SCMH1: variants seen among roughly 807,000 people sequenced by gnomAD.
The protein encoded by SCMH1 is polycomb protein SCMH1.
In SCMH1, 37 loss-of-function variants were observed where a neutral mutation model predicts 70.8. The ratio of observed to expected loss-of-function variants is 0.52; its 90% CI spans 0.40 to 0.69. The LOEUF is 0.69. SCMH1 is among the 30% of genes least tolerant of loss of function. The probability of loss-of-function intolerance (pLI) is 0.00; values close to 1 mark genes in which losing one functional copy is unlikely to be tolerated. For synonymous variants in SCMH1, 292 were observed against 307.4 expected (o/e 0.95, Z 0.52); for missense variants, 607 against 827.3 (o/e 0.73, Z 3.27).
At chr1:41,230,337 T>G (rs1661064243) in intron 1 of SCMH1, among the ~76,000 whole-genome samples, 1 of 151,952 alleles carries the variant, frequency 6.6e-6, no homozygotes, top group African/African-American at 2.4e-5. Context: ...TCCTAAGGGG[T>G]ATCAGCAATG....
intron 6 of SCMH1, among the ~76,000 whole-genome samples, chr1:41,123,777 G>GGA (rs1246914905): frequency 6.6e-6 from 1 of 152,144 alleles, no homozygotes; most frequent in African/African-American, 2.4e-5. Flanking sequence ...TTTTATCCTT[G>GGA]GAGGACTCCA....
intron 4 of SCMH1, among the ~76,000 whole-genome samples, chr1:41,153,351 T>C (rs1340730247): frequency 6.6e-6 from 1 of 152,186 alleles, no homozygotes; most frequent in Non-Finnish European, 1.5e-5. Context: ...TTAACTTAAA[T>C]TTAAATCCCC....
chr1:41,101,091 T>C (rs545361388), intron 8 of SCMH1, among the ~76,000 whole-genome samples: 18 of 148,646 alleles, frequency 1.2e-4, no homozygotes, highest in African/African-American at 4.0e-4. Context: ...ATCTCAAAAA[T>C]AGCGGGGAAA....
chr1:41,062,146 G>C (rs1193483018), intron 10 of SCMH1, among the ~76,000 whole-genome samples: 1 of 151,986 alleles, frequency 6.6e-6, no homozygotes, highest in African/African-American at 2.4e-5. Context: ...GATTACAGGC[G>C]TGAGCCACCG....
intron 1 of SCMH1, among the ~76,000 whole-genome samples, chr1:41,224,202 A>G (rs1659839410): frequency 6.6e-6 from 1 of 152,176 alleles, no homozygotes; most frequent in South Asian, 2.1e-4. Flanking sequence ...CAAAATCATT[A>G]TCTCTTCCAT....
intron 1 of SCMH1, among the ~76,000 whole-genome samples, chr1:41,234,264 GT>G (rs1240971625): frequency 6.6e-6 from 1 of 151,578 alleles, no homozygotes; most frequent in Admixed American, 6.6e-5. Flanking sequence ...CAAGACCCCT[GT>G]TTTTTTTCTT....
chr1:41,101,381 G>C (rs1385918095), intron 8 of SCMH1, among the ~76,000 whole-genome samples: 1 of 152,100 alleles, frequency 6.6e-6, no homozygotes, highest in Non-Finnish European at 1.5e-5. Context: ...TCTAGCCCCA[G>C]CACTCTAAGA....
chr1:41,060,074 A>G (rs1232997253), intron 10 of SCMH1, among the ~76,000 whole-genome samples: 1 of 152,130 alleles, frequency 6.6e-6, no homozygotes, highest in Admixed American at 6.5e-5. Context: ...TAATCTATAT[A>G]TAATGGTGAT....
chr1:41,028,592 GA>G lies in SCMH1; in HGVS notation c.1812del (p.Arg605AlafsTer17). On this transcript the variant is annotated frameshift_variant, in exon 14 of 15. Transcript: ENST00000337495. LOFTEE classifies it high-confidence loss of function. ...CAGGCAGCAGCACCTACGTGTTTGC[GA>G]AACAGGTCAGCGTGGGGTCCAAGCT... is the stretch of plus-strand genomic sequence containing the variant. 1 of 1,614,146 alleles carries G rather than the reference GA, an allele frequency of 6.2e-7. No homozygotes were observed. The highest frequency in any genetic ancestry group is 8.5e-7 in the Non-Finnish European group (1 of 1,180,034).
chr1:41,068,673 T>C (rs1655490190), intron 10 of SCMH1, among the ~76,000 whole-genome samples: 1 of 152,192 alleles, frequency 6.6e-6, no homozygotes, highest in Non-Finnish European at 1.5e-5. Flanking sequence ...CCTAAAGTGC[T>C]GGGATTACAG....
intron 1 of SCMH1, among the ~76,000 whole-genome samples, chr1:41,210,694 T>C (rs545481328): frequency 4.6e-5 from 7 of 152,228 alleles, no homozygotes; most frequent in Admixed American, 3.9e-4. Flanking sequence ...TTACACCTTA[T>C]ACAAAAATTA....
chr1:41,098,437 A>G (rs953833785), intron 8 of SCMH1, among the ~76,000 whole-genome samples: 1 of 152,184 alleles, frequency 6.6e-6, no homozygotes, highest in Non-Finnish European at 1.5e-5. Flanking sequence ...GTAAATTCTT[A>G]ACTCCTTACA....
chr1:41,192,731 C>G (rs897045976), intron 1 of SCMH1, among the ~76,000 whole-genome samples: 1 of 152,198 alleles, frequency 6.6e-6, no homozygotes, highest in African/African-American at 2.4e-5. Context: ...ATCTCTTCAG[C>G]ATAGGTCTCT....
intron 7 of SCMH1, among the ~76,000 whole-genome samples, chr1:41,115,029 T>C (rs1466461253): frequency 3.3e-5 from 5 of 152,192 alleles, no homozygotes; most frequent in East Asian, 1.9e-4. Context: ...AAATTTCCTC[T>C]ATAAATATCT....
At chr1:41,236,544 G>T (rs980682924) in intron 1 of SCMH1, among the ~76,000 whole-genome samples, 3 of 152,194 alleles carry the variant, frequency 2.0e-5, no homozygotes, top group Admixed American at 2.0e-4. Context: ...AAGACAGACC[G>T]TTTGATTCTG....
At chr1:41,195,699 T>C (rs1449815110) in intron 1 of SCMH1, among the ~76,000 whole-genome samples, 1 of 152,304 alleles carries the variant, frequency 6.6e-6, no homozygotes, top group Non-Finnish European at 1.5e-5. Flanking sequence ...AACATAGTAC[T>C]GGAAGTTCTA....
At chr1:41,116,432 C>T (rs930743119) in intron 7 of SCMH1, among the ~76,000 whole-genome samples, 3 of 152,154 alleles carry the variant, frequency 2.0e-5, no homozygotes, top group Non-Finnish European at 4.4e-5. Context: ...GAGCAAGCTC[C>T]TAATTCAAAA....
At chr1:41,054,140 G>A (rs1025618535) in intron 10 of SCMH1, among the ~76,000 whole-genome samples, 8 of 152,246 alleles carry the variant, frequency 5.3e-5, no homozygotes, top group East Asian at 3.9e-4. Context: ...CACCGCGCCC[G>A]GCCTAAAGGT....
chr1:41,143,763 C>G (rs748149350), intron 5 of SCMH1, among the ~76,000 whole-genome samples: 7 of 152,192 alleles, frequency 4.6e-5, no homozygotes, highest in Non-Finnish European at 8.8e-5. Context: ...TCCAGGACCT[C>G]TGCACCCAGG....
Sources: gnomAD v4.1 joint callset for allele counts (sites outside exome capture counted in the v4.1 genomes callset) on GRCh38, gnomAD v4.1.1 for gene constraint, MANE v1.5 for transcripts, NCBI Gene and HGNC (gene_info 2026-07-23, HGNC 2026-07-21) for gene names.